CWC27: variants seen among roughly 807,000 people sequenced by gnomAD.
CWC27 encodes the protein CWC27 spliceosome associated cyclophilin.
A neutral mutation model predicts 63.6 loss-of-function variants in CWC27; 47 were observed. The ratio of observed to expected loss-of-function variants is 0.74; its 90% confidence interval spans 0.58 to 0.94. The LOEUF (loss-of-function observed/expected upper bound fraction) is 0.94. Among genes scored for constraint, CWC27 ranks in the 40% least tolerant of loss-of-function variants. The probability of loss-of-function intolerance (pLI) is 0.00; values close to 1 mark genes in which losing one functional copy is unlikely to be tolerated. For missense variants in CWC27, 495 were observed against 554.3 expected (o/e 0.89, Z 1.07); for synonymous variants, 175 against 179.8 (o/e 0.97, Z 0.22).
intron 12 of CWC27, among the ~76,000 whole-genome samples, chr5:64,976,405 T>A (rs577183739): frequency 3.9e-5 from 6 of 152,300 alleles, no homozygotes; most frequent in Non-Finnish European, 8.8e-5. Flanking sequence ...TTTATATTTT[T>A]GGAAATTTGT....
chr5:64,996,266 C>T lies in CWC27; in HGVS notation c.1256+19028C>T, dbSNP rs544884063. Reference sequence around the variant, plus strand: ...GATACCCACATATAAATGCAACTCGCAAAATCCCCCTCCAAAAACATATGT... The same window carrying T: ...GATACCCACATATAAATGCAACTCGTAAAATCCCCCTCCAAAAACATATGT... On this transcript the variant is annotated intron_variant, in intron 13 of 13. Coordinates refer to ENST00000381070, the MANE Select transcript of CWC27 (RefSeq NM_005869.4). Among the ~76,000 whole-genome samples the T allele has an allele frequency of 3.3e-5, 5 of 152,192 alleles. No individual in the cohort carries two copies. The South Asian group carries it at 1.0e-3, about 32-fold the overall frequency.
At chr5:64,783,772 T>G (rs1743780204) in intron 3 of CWC27, 64 bp from the exon 4 acceptor site, 3 of 1,367,978 alleles carry the variant, frequency 2.2e-6, no homozygotes, top group Admixed American at 5.7e-5. Flanking sequence ...GCAGGTCAAG[T>G]TGAATAACTG....
rs778318307 is a variant in CWC27, at chr5:64,992,813, G to A, written c.1256+15575G>A. 4.7e-4 allele frequency among the ~76,000 whole-genome samples: 71 copies of A among 151,842 alleles called. 1 individual carries two copies. The highest frequency in any genetic ancestry group is 3.7e-3 in the Admixed American group (57 of 15,240). On this transcript the variant is annotated intron_variant, in intron 13 of 13. Coordinates refer to ENST00000381070, the MANE Select transcript of CWC27 (RefSeq NM_005869.4). ...CTCCCAAAGTGCTGGGATTACAGGCGTGAGCCACTGCACCCTGCCACTTTC... is the reference window on the plus strand; with the variant it reads ...CTCCCAAAGTGCTGGGATTACAGGCATGAGCCACTGCACCCTGCCACTTTC...
At position 64,887,787 on chromosome 5, in the gene CWC27, T is replaced by C. The variant is rs76676476; in HGVS notation, c.1042+2241T>C. On this transcript the variant is annotated intron_variant, in intron 11 of 13. Transcript: ENST00000381070. ...AAAATCACACATTTTTCATAATAAA[T>C]TCATAGTCAATTTTCTACCATTATA... Among the ~76,000 whole-genome samples, 182 of 152,244 alleles carry C rather than the reference T, an allele frequency of 1.2e-3. 3 individuals are homozygous for C. The highest frequency in any genetic ancestry group is 4.3e-3 in the African/African-American group (178 of 41,560).
At chr5:64,795,071 T>C (rs1403322354) in intron 7 of CWC27, among the ~76,000 whole-genome samples, 1 of 152,174 alleles carries the variant, frequency 6.6e-6, no homozygotes, top group African/African-American at 2.4e-5. Flanking sequence ...GAAAAAGTTA[T>C]CTTGGTAGAC....
chr5:64,969,873 G>A (rs189117166), intron 11 of CWC27, among the ~76,000 whole-genome samples: 16 of 152,198 alleles, frequency 1.1e-4, no homozygotes, highest in African/African-American at 2.4e-5. Flanking sequence ...AGGAGGAGCC[G>A]GAATTAAGCA....
Position 64,962,159 on chromosome 5 carries a change from C to T in CWC27, c.1043-9544C>T, listed in dbSNP as rs114375217. Among the ~76,000 whole-genome samples the T allele has an allele frequency of 7.3e-3, 1,111 of 152,230 alleles. 6 individuals are homozygous for T. Among genetic ancestry groups the T allele is most frequent in the African/African-American group, 0.026 (1,068 of 41,534 alleles). ...TTTTGTTTATTCAGGAGGATTCAAG[C>T]ACATGAGAAATAGATGTGCTACTTC... is the stretch of plus-strand genomic sequence containing the variant. On this transcript the variant is annotated intron_variant, in intron 11 of 13. Coordinates refer to ENST00000381070, the MANE Select transcript of CWC27 (RefSeq NM_005869.4).
chr5:64,911,580 A>G (rs1345292728), intron 11 of CWC27, among the ~76,000 whole-genome samples: 1 of 152,188 alleles, frequency 6.6e-6, no homozygotes, highest in African/African-American at 2.4e-5. Flanking sequence ...GTTTGGGGCA[A>G]CCCTTTCCCT....
intron 10 of CWC27, among the ~76,000 whole-genome samples, chr5:64,871,792 C>A (rs1019482357): frequency 6.6e-6 from 1 of 152,030 alleles, no homozygotes; most frequent in African/African-American, 2.4e-5. Flanking sequence ...GGCATCTGTA[C>A]CAAAAGAGTC....
chr5:64,896,990 T>A (rs1035997917), intron 11 of CWC27, among the ~76,000 whole-genome samples: 5 of 152,134 alleles, frequency 3.3e-5, no homozygotes, highest in Non-Finnish European at 4.4e-5. Context: ...GGTGGGTGGA[T>A]TGCCTCAGCT....
chr5:64,960,379 A>G (rs1028225582), intron 11 of CWC27, among the ~76,000 whole-genome samples: 11 of 152,190 alleles, frequency 7.2e-5, no homozygotes, highest in African/African-American at 1.9e-4. Context: ...AGTTCATAAC[A>G]TATTTTCCTG....
chr5:64,909,632 T>G (rs906419983), intron 11 of CWC27, among the ~76,000 whole-genome samples: 1 of 152,202 alleles, frequency 6.6e-6, no homozygotes, highest in Admixed American at 6.5e-5. Flanking sequence ...CTTTGTTCGT[T>G]TCTTTTTACT....
intron 11 of CWC27, among the ~76,000 whole-genome samples, chr5:64,953,605 T>C (rs1190305246): frequency 1.3e-5 from 2 of 152,136 alleles, no homozygotes; most frequent in Non-Finnish European, 2.9e-5. Context: ...ATTCACTTTA[T>C]GGAACTTAAT....
At chr5:64,769,630 A>C (rs1743168844) in intron 1 of CWC27, among the ~76,000 whole-genome samples, 1 of 152,176 alleles carries the variant, frequency 6.6e-6, no homozygotes, top group African/African-American at 2.4e-5. Flanking sequence ...GTTTTCCCGG[A>C]AAAGCTTATA....
At chr5:64,838,647 A>C (rs1027029639) in intron 10 of CWC27, among the ~76,000 whole-genome samples, 4 of 152,204 alleles carry the variant, frequency 2.6e-5, no homozygotes, top group Non-Finnish European at 4.4e-5. Flanking sequence ...GGGAGAAAGC[A>C]GAGCTAATAC....
chr5:65,010,130 C>T (rs536113340), intron 13 of CWC27, among the ~76,000 whole-genome samples: 1 of 152,170 alleles, frequency 6.6e-6, no homozygotes, highest in South Asian at 2.1e-4. Flanking sequence ...AATTCAAAGG[C>T]AGGAACAAAT....
chr5:64,978,089 CTG>C (rs1386399732), intron 13 of CWC27, among the ~76,000 whole-genome samples: 3 of 152,212 alleles, frequency 2.0e-5, no homozygotes, highest in South Asian at 2.1e-4. Flanking sequence ...TTTCAAAACT[CTG>C]TTCAACACTC....
chr5:64,813,757 T>C (rs76553366), intron 10 of CWC27, among the ~76,000 whole-genome samples: 54,899 of 151,756 alleles, frequency 0.36, 10,451 homozygotes, highest in East Asian at 0.5. Flanking sequence ...TCTGGCCTTT[T>C]TAGGCCATAT....
intron 11 of CWC27, among the ~76,000 whole-genome samples, chr5:64,939,517 T>G (rs552046013): frequency 6.6e-6 from 1 of 152,300 alleles, no homozygotes; most frequent in East Asian, 1.9e-4. Flanking sequence ...ACCCGCCAGA[T>G]GCCAGCTGGA....
Sources: gnomAD v4.1 joint callset for allele counts (sites outside exome capture counted in the v4.1 genomes callset) on GRCh38, gnomAD v4.1.1 for gene constraint, MANE v1.5 for transcripts, NCBI Gene and HGNC (gene_info 2026-07-23, HGNC 2026-07-21) for gene names.